ARHGAP28: variants seen among roughly 807,000 people sequenced by gnomAD.
The protein encoded by ARHGAP28 is Rho GTPase activating protein 28.
Under a neutral mutation model 90.7 loss-of-function variants are expected in ARHGAP28, and 56 were observed. The ratio of observed to expected loss-of-function variants is 0.62; its 90% CI spans 0.50 to 0.77. The LOEUF is 0.77. Ranked by LOEUF, ARHGAP28 falls within the 30% of genes least tolerant of loss-of-function variation. The pLI is 0.00. For synonymous variants in ARHGAP28, 308 were observed against 323.3 expected (o/e 0.95, Z 0.51); for missense variants, 869 against 900.9 (o/e 0.96, Z 0.45).
chr18:6,835,427 A>G (rs1022813937), intron 2 of ARHGAP28, among the ~76,000 whole-genome samples: 1 of 152,148 alleles, frequency 6.6e-6, no homozygotes, highest in African/African-American at 2.4e-5. Flanking sequence ...TCTTAAAGGG[A>G]CAGCTTACAA....
chr18:6,887,430 G>GTTTTTT (rs10651246), intron 12 of ARHGAP28, among the ~76,000 whole-genome samples, 191 bp downstream of exon 12: 1 of 138,142 alleles, frequency 7.2e-6, no homozygotes, highest in East Asian at 2.1e-4. Context: ...TTGGTATCTT[G>GTTTTTT]TTTTTTTTTT....
intron 1 of ARHGAP28, among the ~76,000 whole-genome samples, chr18:6,753,450 C>CTG (rs1567935784): frequency 6.6e-6 from 1 of 151,938 alleles, no homozygotes; most frequent in African/African-American, 2.4e-5. Context: ...TGTCTGCTAT[C>CTG]TGTGTGTGTG....
chr18:6,912,130 G>A lies in ARHGAP28; in HGVS notation c.2166G>A (p.Val722=). The part of the protein sequence containing the change: ...VYRINPQAEW[V]IKPQQSS ...GTATAAATCCTCAAGCAGAATGGGT[G>A]ATTAAACCCCAACAAAGTTCTTAAA... The change falls in exon 18 of 18, where the codon GTG becomes GTA. Residue 722 remains valine (V), a synonymous_variant. Transcript: ENST00000383472. 1 of 1,605,414 alleles carries A rather than the reference G, an allele frequency of 6.2e-7. No homozygotes were observed. The highest frequency in any genetic ancestry group is 8.5e-7 in the Non-Finnish European group (1 of 1,173,502).
At chr18:6,785,677 A>G (rs1253347692) in intron 1 of ARHGAP28, among the ~76,000 whole-genome samples, 8 of 152,176 alleles carry the variant, frequency 5.3e-5, no homozygotes, top group Admixed American at 2.0e-4. Context: ...TGAGAATTCC[A>G]AGGAAGTGGG....
At chr18:6,837,144 A>G in intron 2 of ARHGAP28, 53 bp from the exon 3 acceptor site, 1 of 1,324,152 alleles carries the variant, frequency 7.6e-7, no homozygotes, top group Non-Finnish European at 1.0e-6. Flanking sequence ...TTCACATGGC[A>G]TCCAATCATA....
intron 17 of ARHGAP28, 100 bp downstream of exon 17, chr18:6,909,124 T>A: frequency 1.4e-6 from 1 of 717,180 alleles, no homozygotes; most frequent in Non-Finnish European, 2.3e-6. Context: ...ATTTCTCAGA[T>A]AAAAACTAAA....
At chr18:6,810,794 A>C (rs1361927982) in intron 1 of ARHGAP28, among the ~76,000 whole-genome samples, 1 of 152,194 alleles carries the variant, frequency 6.6e-6, no homozygotes, top group African/African-American at 2.4e-5. Context: ...AAGAGCATTC[A>C]GAAAGTAGAC....
At chr18:6,872,928 A>G (rs1317096767) in intron 7 of ARHGAP28, among the ~76,000 whole-genome samples, 1 of 152,182 alleles carries the variant, frequency 6.6e-6, no homozygotes, top group Non-Finnish European at 1.5e-5. Context: ...GATTACTAAA[A>G]GTCTCTTAAA....
Position 6,890,555 on chromosome 18 carries a change from A to G in ARHGAP28, c.1848+12A>G. On this transcript the variant is annotated intron_variant, in intron 14 of 17. Transcript: ENST00000383472. ...CCCTCGAGCGGGAGGTAAGACAGCAAATGAGGCATGGCGATTGTCCACTGC... is the reference window on the plus strand; with the variant it reads ...CCCTCGAGCGGGAGGTAAGACAGCAGATGAGGCATGGCGATTGTCCACTGC... 1 of 1,561,802 alleles carries G rather than the reference A, an allele frequency of 6.4e-7. No homozygotes were observed. Among genetic ancestry groups the G allele is most frequent in the African/African-American group, 1.4e-5 (1 of 73,378 alleles).
In ARHGAP28 at chr18:6,746,259, T is replaced by C. The variant is rs184673697; in HGVS notation, c.122+16316T>C. On this transcript the variant is annotated intron_variant, in intron 1 of 17. Coordinates refer to ENST00000383472, the MANE Select transcript of ARHGAP28 (RefSeq NM_001366230.1). ...TTAGGCAGGAAGTCACACACCTCAG[T>C]GCACATAATTTAGACCAGGGGTTGG... 1.7e-3 allele frequency among the ~76,000 whole-genome samples: 259 copies of C among 152,280 alleles called. 1 individual carries two copies. The highest frequency in any genetic ancestry group is 5.9e-3 in the African/African-American group (247 of 41,562).
chr18:6,754,483 G>A (rs1007051698), intron 1 of ARHGAP28, among the ~76,000 whole-genome samples: 7 of 152,168 alleles, frequency 4.6e-5, no homozygotes, highest in Admixed American at 4.6e-4. Context: ...TCACGGAGTA[G>A]GATAGAGTTG....
intron 1 of ARHGAP28, among the ~76,000 whole-genome samples, chr18:6,816,443 C>T (rs2056591186): frequency 6.6e-6 from 1 of 152,136 alleles, no homozygotes; most frequent in African/African-American, 2.4e-5. Flanking sequence ...TCCAGAGAGT[C>T]AGTGGTTTCT....
At chr18:6,879,667 G>T (rs193120135) in intron 10 of ARHGAP28, among the ~76,000 whole-genome samples, 1 of 152,242 alleles carries the variant, frequency 6.6e-6, no homozygotes, top group Non-Finnish European at 1.5e-5. Context: ...CGCCGCATAC[G>T]CGTGGGATTC....
At chr18:6,893,400 A>G (rs1304942426) in intron 14 of ARHGAP28, among the ~76,000 whole-genome samples, 1 of 152,158 alleles carries the variant, frequency 6.6e-6, no homozygotes, top group Non-Finnish European at 1.5e-5. Flanking sequence ...TTACTTAAGC[A>G]CTCCCCTAGT....
At chr18:6,893,785 A>C (rs2057283513) in intron 14 of ARHGAP28, among the ~76,000 whole-genome samples, 2 of 152,124 alleles carry the variant, frequency 1.3e-5, no homozygotes, top group Non-Finnish European at 1.5e-5. Context: ...GTATTTATAA[A>C]GGTTATAAAT....
chr18:6,752,318 G>A (rs2056076130), intron 1 of ARHGAP28, among the ~76,000 whole-genome samples: 1 of 152,138 alleles, frequency 6.6e-6, no homozygotes, highest in African/African-American at 2.4e-5. Context: ...TTCTGGAGCT[G>A]TTTCAACAGA....
rs1227956756 is a variant in ARHGAP28 at position 6,908,950 on chromosome 18, T to C, written c.2031-10T>C. The C allele has an allele frequency of 2.0e-6, 3 of 1,482,450 alleles. No individual in the cohort carries two copies. Among genetic ancestry groups the C allele is most frequent in the Non-Finnish European group, 2.8e-6 (3 of 1,072,582 alleles). The allele number at this position is 1,482,450 out of a possible 1,614,324, so 91.8% of individuals were successfully genotyped here. A position where few individuals can be genotyped will look rare whatever the true frequency, so the allele number is the denominator to read the frequency against. On this transcript the variant is annotated splice_polypyrimidine_tract_variant and intron_variant, in intron 16 of 17. Coordinates refer to ENST00000383472, the MANE Select transcript of ARHGAP28 (RefSeq NM_001366230.1). Reference sequence around the variant, plus strand: ...GTACTAAAATTATATTATTTTCTCATTTTTTTCAGTCATGGTTCATCAGAA... The same window carrying C: ...GTACTAAAATTATATTATTTTCTCACTTTTTTCAGTCATGGTTCATCAGAA...
intron 1 of ARHGAP28, among the ~76,000 whole-genome samples, chr18:6,807,946 G>A (rs1254405421): frequency 6.6e-6 from 1 of 152,186 alleles, no homozygotes; most frequent in East Asian, 1.9e-4. Context: ...CTATTGTAGG[G>A]CTCAACTTGT....
At chr18:6,853,726 C>T (rs1044491183) in intron 4 of ARHGAP28, among the ~76,000 whole-genome samples, 5 of 152,156 alleles carry the variant, frequency 3.3e-5, no homozygotes, top group South Asian at 2.1e-4. Flanking sequence ...CCACCCTCCT[C>T]GGCCTCCCAA....
Sources: gnomAD v4.1 joint callset for allele counts (sites outside exome capture counted in the v4.1 genomes callset) on GRCh38, gnomAD v4.1.1 for gene constraint, MANE v1.5 for transcripts, NCBI Gene and HGNC (gene_info 2026-07-23, HGNC 2026-07-21) for gene names.